The following PCDHA1 variants were observed in gnomAD, a reference collection of about 807,000 sequenced individuals.
The protein encoded by PCDHA1 is protocadherin alpha-1.
PCDHA1 carries 42 observed loss-of-function variants against 61.3 expected under a neutral mutation model. That is an observed-to-expected ratio of 0.69 (90% CI 0.54 to 0.89). The LOEUF (loss-of-function observed/expected upper bound fraction) is 0.89, where lower values mean the gene tolerates loss of function less well. Among genes scored for constraint, PCDHA1 ranks in the 40% least tolerant of loss-of-function variants. The pLI is 0.00. For synonymous variants in PCDHA1, 610 were observed against 553.8 expected (o/e 1.10, Z -1.43); for missense variants, 1,256 against 1,235.3 (o/e 1.02, Z -0.25).
At chr5:140,895,340 A>G (rs964651163) in intron 1 of PCDHA1, among the ~76,000 whole-genome samples, 1 of 151,822 alleles carries the variant, frequency 6.6e-6, no homozygotes, top group African/African-American at 2.4e-5. Context: ...TTGTTTTACT[A>G]TGCTTTCCAG....
At chr5:140,954,512 T>C (rs2095046956) in intron 1 of PCDHA1, among the ~76,000 whole-genome samples, 1 of 152,254 alleles carries the variant, frequency 6.6e-6, no homozygotes, top group Non-Finnish European at 1.5e-5. Flanking sequence ...TGCATTTACC[T>C]AATGATCAGT....
chr5:140,979,434 A>G (rs1490433887), intron 2 of PCDHA1, among the ~76,000 whole-genome samples: 1 of 151,986 alleles, frequency 6.6e-6, no homozygotes, highest in South Asian at 2.1e-4. Context: ...CACATTGGCT[A>G]TTACATCCTA....
At chr5:140,866,404 A>C (rs781790462) in intron 1 of PCDHA1, 1 of 152,130 alleles carries the variant, frequency 6.6e-6, no homozygotes, top group Non-Finnish European at 1.5e-5. Context: ...TTCCCATGAA[A>C]ATCTTCAAAT....
At chr5:140,893,881 C>T (rs1385683702) in intron 1 of PCDHA1, among the ~76,000 whole-genome samples, 1 of 152,066 alleles carries the variant, frequency 6.6e-6, no homozygotes, top group Non-Finnish European at 1.5e-5. Flanking sequence ...TCCAAAGTGG[C>T]CAGAAAGTTA....
intron 1 of PCDHA1, among the ~76,000 whole-genome samples, chr5:140,959,938 G>T (rs937975013): frequency 6.6e-6 from 1 of 152,130 alleles, no homozygotes; most frequent in Non-Finnish European, 1.5e-5. Flanking sequence ...CATTACTTAG[G>T]CAGAATATCA....
At chr5:140,863,761 A>C (rs1000713461) in intron 1 of PCDHA1, 5 of 242,322 alleles carry the variant, frequency 2.1e-5, no homozygotes, top group Non-Finnish European at 3.3e-5. Flanking sequence ...CACTTTGGGA[A>C]GCCGAGGCGG....
chr5:140,962,143 G>C (rs964011627), intron 1 of PCDHA1, among the ~76,000 whole-genome samples: 1 of 151,968 alleles, frequency 6.6e-6, no homozygotes, highest in Non-Finnish European at 1.5e-5. Flanking sequence ...CCAAAGTGCT[G>C]GGATTACAGG....
At chr5:140,869,296 C>G (rs782726122) in intron 1 of PCDHA1, 2 of 1,613,602 alleles carry the variant, frequency 1.2e-6, no homozygotes, top group South Asian at 1.1e-5. Flanking sequence ...GCGCCTGTTC[C>G]GGGTGGCGTC....
At chr5:140,915,589 T>C (rs1398530314) in intron 1 of PCDHA1, among the ~76,000 whole-genome samples, 1 of 151,900 alleles carries the variant, frequency 6.6e-6, no homozygotes, top group African/African-American at 2.4e-5. Context: ...AAAGCACTTG[T>C]TCTTTTCCCT....
Position 140,963,600 on chromosome 5 carries a change from G to A in PCDHA1, c.2395-15349G>A, listed in dbSNP as rs111244023. Among the ~76,000 whole-genome samples, 12 of 152,298 alleles carry A rather than the reference G, an allele frequency of 7.9e-5. No homozygotes were observed. In the South Asian group the frequency reaches 1.7e-3, roughly 21 times the overall value. ...CAAAATGTAGGATATAGTTCTAGAC[G>A]TAATTGGGAAAGCTTAACTTTGTTG... On this transcript the variant is annotated intron_variant, in intron 1 of 3. Transcript: ENST00000504120.
intron 1 of PCDHA1, chr5:140,884,210 C>G: frequency 6.2e-7 from 1 of 1,613,532 alleles, no homozygotes; most frequent in South Asian, 1.1e-5. Context: ...CCACCGCCTT[C>G]TGGTGCTGGT....
intron 1 of PCDHA1, among the ~76,000 whole-genome samples, chr5:140,881,799 C>A (rs368456285): frequency 3.3e-5 from 5 of 152,282 alleles, no homozygotes; most frequent in Admixed American, 2.0e-4. Flanking sequence ...TGTCCCAAAA[C>A]GAGTGTCGAA....
intron 1 of PCDHA1, among the ~76,000 whole-genome samples, chr5:140,913,644 A>T (rs889499847): frequency 3.9e-5 from 6 of 151,920 alleles, no homozygotes; most frequent in Non-Finnish European, 8.8e-5. Flanking sequence ...CTGCTTTTCT[A>T]GTTCTTTAAG....
Position 140,822,071 on chromosome 5 carries a change from C to T in PCDHA1, c.2394+33387C>T. The T allele has an allele frequency of 6.2e-7, 1 of 1,614,190 alleles. No homozygotes were observed. Among genetic ancestry groups the T allele is most frequent in the Non-Finnish European group, 8.5e-7 (1 of 1,180,032 alleles). ...CGGGAGGAGCTGTGCCGGCGGAGGG[C>T]GGAGTGCAGCATCCACCTGGAGGTG... On this transcript the variant is annotated intron_variant, in intron 1 of 3. Transcript: ENST00000504120.
chr5:140,870,317 C>G lies in PCDHA1; in HGVS notation c.2394+81633C>G, dbSNP rs782216904. On this transcript the variant is annotated intron_variant, in intron 1 of 3. Coordinates refer to ENST00000504120, the MANE Select transcript of PCDHA1 (RefSeq NM_018900.4). ...GTGTCCACCTTCAAGAATTACTACT[C>G]GTTGGTGCTGGACAGCGCCCTGGAC... 122 of 1,614,080 alleles carry G rather than the reference C, an allele frequency of 7.6e-5. No individual in the cohort carries two copies. Among genetic ancestry groups the G allele is most frequent in the Non-Finnish European group, 1.0e-4 (120 of 1,180,036 alleles).
At chr5:140,877,340 A>G (rs782755927) in intron 1 of PCDHA1, 9 of 1,613,820 alleles carry the variant, frequency 5.6e-6, no homozygotes, top group Admixed American at 1.7e-5. Context: ...ATCCCGTTCC[A>G]CGTGGGGCTG....
At chr5:140,829,622 C>G in intron 1 of PCDHA1, 1 of 1,612,190 alleles carries the variant, frequency 6.2e-7, no homozygotes, top group Non-Finnish European at 8.5e-7. Context: ...CATTTCGGTG[C>G]ACGCGGAGAG....
Position 141,000,581 on chromosome 5 carries a change from C to G in PCDHA1, c.2543-9046C>G, listed in dbSNP as rs960660351. On this transcript the variant is annotated intron_variant, in intron 3 of 3. Transcript: ENST00000504120. ...TAGCTGGGATTACAGGTGCCTGCCA[C>G]CATGCCCAGCTAATTTTTGTATTTT... is the stretch of plus-strand genomic sequence containing the variant. 2.0e-5 allele frequency among the ~76,000 whole-genome samples: 3 copies of G among 150,722 alleles called. No individual in the cohort carries two copies. In the East Asian group the frequency reaches 5.8e-4, roughly 29 times the overall value.
At chr5:140,807,592 A>C (rs551466956) in intron 1 of PCDHA1, 2 of 1,613,950 alleles carry the variant, frequency 1.2e-6, no homozygotes, top group Admixed American at 1.7e-5. Context: ...TGTTCCCAGC[A>C]ACACAAAAGA....
Sources: allele counts gnomAD v4.1 joint callset (sites outside exome capture counted in the v4.1 genomes callset), GRCh38; gene constraint gnomAD v4.1.1; transcripts MANE v1.5; gene names NCBI Gene and HGNC (gene_info 2026-07-23, HGNC 2026-07-21).